Variants in POLR3B observed in about 807,000 individuals in gnomAD.
POLR3B encodes the protein DNA-directed RNA polymerase III subunit RPC2.
A neutral mutation model predicts 147.4 loss-of-function variants in POLR3B; 96 were observed. That is an observed-to-expected ratio of 0.65 (90% CI 0.55 to 0.77). The LOEUF is 0.77. Among genes scored for constraint, POLR3B ranks in the 30% least tolerant of loss-of-function variants. The probability of loss-of-function intolerance (pLI) is 0.00; values close to 1 mark genes in which losing one functional copy is unlikely to be tolerated. For synonymous variants in POLR3B, 461 were observed against 485.9 expected, an observed-to-expected ratio of 0.95 and a Z score of 0.67; for missense variants, 1,036 against 1,413.5, an observed-to-expected ratio of 0.73 and a Z score of 4.28.
chr12:106,405,935 G>A lies in POLR3B; in HGVS notation c.925G>A (p.Ala309Thr), dbSNP rs369488769. The change falls in exon 11 of 28, where the codon GCA (alanine) becomes ACA (threonine). Residue 309 changes from alanine to threonine, a missense_variant. Transcript: ENST00000228347. ...GGPKKTKIEE[A>T]RELLASTILT... ...ACCAAAGAAAACCAAAATAGAAGAA[G>A]CAAGAGAGCTCCTGGCTTCCACCAT... The A allele has an allele frequency of 2.0e-5, 33 of 1,613,758 alleles. 1 individual carries two copies. The highest frequency in any genetic ancestry group is 1.4e-4 in the South Asian group (13 of 91,086).
chr12:106,470,920 A>T (rs1327925975), intron 23 of POLR3B, among the ~76,000 whole-genome samples: 1 of 152,008 alleles, frequency 6.6e-6, no homozygotes, highest in South Asian at 2.1e-4. Flanking sequence ...GGGGTCAGGG[A>T]CCTACTTGAG....
At chr12:106,403,738 C>T (rs1263909765) in intron 10 of POLR3B, among the ~76,000 whole-genome samples, 1 of 143,966 alleles carries the variant, frequency 6.9e-6, no homozygotes, top group Non-Finnish European at 1.5e-5. Flanking sequence ...CATGTTCTCA[C>T]TCATAGGTGG....
At chr12:106,377,513 A>C (rs891190441) in intron 7 of POLR3B, among the ~76,000 whole-genome samples, 2 of 152,250 alleles carry the variant, frequency 1.3e-5, no homozygotes, top group Non-Finnish European at 2.9e-5. Flanking sequence ...ATGATGATGC[A>C]TGAGTTTTTT....
chr12:106,393,131 C>A lies in POLR3B; in HGVS notation c.824C>A (p.Ala275Asp), dbSNP rs1475196358. 1 of 1,614,084 alleles carries A rather than the reference C, an allele frequency of 6.2e-7. No individual in the cohort carries two copies. Among genetic ancestry groups the A allele is most frequent in the Non-Finnish European group, 8.5e-7 (1 of 1,180,042 alleles). The change falls in exon 10 of 28, where the codon GCT becomes GAT. Residue 275 changes from alanine to aspartate, a missense_variant. Ala to Asp is a moderately radical substitution (Grantham distance 126). This residue lies in a region of POLR3B where 217 missense variants were observed against 288.7 expected (regional missense o/e 0.75). Transcript: ENST00000228347. ...FGPSLEECQK[A>D]QIFTQMQALK... ...CCCAGTCTGGAAGAGTGCCAGAAAG[C>A]TCAGATTTTCACACAGATGCAGGTG... is the stretch of plus-strand genomic sequence containing the variant.
At chr12:106,496,026 T>A (rs1317432980) in intron 23 of POLR3B, 29 bp from the exon 24 acceptor site, 7 of 1,320,910 alleles carry the variant, frequency 5.3e-6, no homozygotes, top group Non-Finnish European at 6.6e-6. Context: ...CAACTTGCTT[T>A]ATGTGGCATG....
At chr12:106,405,335 C>T (rs2037136076) in intron 10 of POLR3B, among the ~76,000 whole-genome samples, 1 of 151,966 alleles carries the variant, frequency 6.6e-6, no homozygotes, top group South Asian at 2.1e-4. Flanking sequence ...AACATTAAAC[C>T]ACTTTTAATA....
At chr12:106,405,807 A>T (rs201202170) in intron 10 of POLR3B, 50 bp from the exon 11 acceptor site, 1 of 1,595,534 alleles carries the variant, frequency 6.3e-7, no homozygotes, top group East Asian at 2.2e-5. Flanking sequence ...TGCTTGCTAA[A>T]CTACCTCCAG....
chr12:106,361,483 A>G (rs1053585000), intron 1 of POLR3B, among the ~76,000 whole-genome samples: 5 of 152,180 alleles, frequency 3.3e-5, no homozygotes, highest in African/African-American at 9.7e-5. Flanking sequence ...TGCCCAGTCA[A>G]TAGTTGGAGG....
chr12:106,487,013 A>G (rs2038350251), intron 23 of POLR3B, among the ~76,000 whole-genome samples: 1 of 152,224 alleles, frequency 6.6e-6, no homozygotes, highest in Non-Finnish European at 1.5e-5. Context: ...GAACCTTCAC[A>G]TGCCAGGCAC....
chr12:106,457,725 G>A (rs114065558), intron 21 of POLR3B, among the ~76,000 whole-genome samples: 2,469 of 152,150 alleles, frequency 0.016, 66 homozygotes, highest in African/African-American at 0.057. Context: ...TGCCCTTATG[G>A]GTCTCACAGG....
intron 13 of POLR3B, 66 bp downstream of exon 13, chr12:106,427,424 A>G: frequency 7.3e-7 from 1 of 1,361,652 alleles, no homozygotes; most frequent in African/African-American, 1.4e-5. Context: ...TAGAACAGAA[A>G]CTTAAAGCAC....
At chr12:106,399,948 G>A (rs543307159) in intron 10 of POLR3B, among the ~76,000 whole-genome samples, 38 of 152,320 alleles carry the variant, frequency 2.5e-4, no homozygotes, top group Non-Finnish European at 4.9e-4. Context: ...ATAGCCAGCT[G>A]ACATCATAAT....
chr12:106,482,890 A>AT (rs2038288992), intron 23 of POLR3B, among the ~76,000 whole-genome samples: 2 of 151,950 alleles, frequency 1.3e-5, no homozygotes, highest in African/African-American at 4.8e-5. Context: ...CAAACTCACT[A>AT]CTCCCAGAAT....
chr12:106,363,075 C>T (rs2036490287), intron 1 of POLR3B, among the ~76,000 whole-genome samples: 1 of 152,176 alleles, frequency 6.6e-6, no homozygotes, highest in South Asian at 2.1e-4. Context: ...CTGCCTCCTG[C>T]TCCTCCTCTC....
rs544097072 is a variant in POLR3B at position 106,469,358 on chromosome 12, G to A, written c.2713+5738G>A. Among the ~76,000 whole-genome samples the A allele has an allele frequency of 7.3e-3, 1,090 of 150,326 alleles. 15 individuals are homozygous for A. Among genetic ancestry groups the A allele is most frequent in the African/African-American group, 0.024 (994 of 40,616 alleles). On this transcript the variant is annotated intron_variant, in intron 23 of 27. Coordinates refer to ENST00000228347, the MANE Select transcript of POLR3B (RefSeq NM_018082.6). ...CTATGTGTGTCTCTGCATGTGAGAT[G>A]GGTTTCCTGAATACAGCACACTGAT...
intron 10 of POLR3B, among the ~76,000 whole-genome samples, chr12:106,397,505 T>G (rs921873178): frequency 2.0e-5 from 3 of 152,196 alleles, no homozygotes; most frequent in African/African-American, 7.2e-5. Flanking sequence ...TATATGGAAT[T>G]AGGCATCATA....
intron 10 of POLR3B, among the ~76,000 whole-genome samples, chr12:106,395,276 A>G (rs972680649): frequency 1.3e-5 from 2 of 152,294 alleles, no homozygotes; most frequent in Non-Finnish European, 1.5e-5. Context: ...AAGAGGTTTA[A>G]TTGGCTCATG....
In POLR3B at chr12:106,410,815, C is replaced by G; in HGVS notation, c.967-11C>G. Reference sequence around the variant, plus strand: ...TTTTCTCAAAATTTTTCTCCAATTTCTGACTTACAGGTTAAGGAATTCAAT... The same window carrying G: ...TTTTCTCAAAATTTTTCTCCAATTTGTGACTTACAGGTTAAGGAATTCAAT... On this transcript the variant is annotated splice_polypyrimidine_tract_variant and intron_variant, in intron 11 of 27. Transcript: ENST00000228347. 6.2e-7 allele frequency: 1 copy of G among 1,613,434 alleles called. No homozygotes were observed. Among genetic ancestry groups the G allele is most frequent in the Non-Finnish European group, 8.5e-7 (1 of 1,179,556 alleles).
intron 2 of POLR3B, among the ~76,000 whole-genome samples, chr12:106,364,363 A>G (rs2036505292): frequency 6.6e-6 from 1 of 152,236 alleles, no homozygotes; most frequent in Admixed American, 6.5e-5. Flanking sequence ...TCGGGCTTCA[A>G]TTCAATTTCC....
Sources: allele counts gnomAD v4.1 joint callset (sites outside exome capture counted in the v4.1 genomes callset), GRCh38; gene constraint gnomAD v4.1.1; regional missense constraint gnomAD v4.1.1; transcripts MANE v1.5; gene names NCBI Gene and HGNC (gene_info 2026-07-23, HGNC 2026-07-21).